The following SPEF2 variants were observed in gnomAD, a reference collection of about 807,000 sequenced individuals.
The protein encoded by SPEF2 is sperm flagellar and cilia associated 2.
Under a neutral mutation model 224.6 loss-of-function variants are expected in SPEF2, and 187 were observed. The ratio of observed to expected loss-of-function variants is 0.83; its 90% CI spans 0.74 to 0.94. The LOEUF (loss-of-function observed/expected upper bound fraction) is 0.94. SPEF2 is among the 40% of genes least tolerant of loss of function. The pLI is 0.00. For synonymous variants in SPEF2, 715 were observed against 707.3 expected, an observed-to-expected ratio of 1.01 and a Z score of -0.17; for missense variants, 2,170 against 2,135.6, an observed-to-expected ratio of 1.02 and a Z score of -0.32.
chr5:35,757,024 TTC>T (rs1449531960), intron 24 of SPEF2, among the ~76,000 whole-genome samples: 2 of 143,926 alleles, frequency 1.4e-5, no homozygotes, highest in African/African-American at 4.9e-5. Context: ...AAATCTAAGA[TTC>T]TGTCTCAATT....
chr5:35,737,421 T>C (rs1179821589), intron 21 of SPEF2, among the ~76,000 whole-genome samples: 1 of 138,596 alleles, frequency 7.2e-6, no homozygotes, highest in Non-Finnish European at 1.5e-5. Context: ...TGTCCAAGTG[T>C]TCTCATTATT....
At chr5:35,773,266 G>C (rs1014455803) in intron 27 of SPEF2, among the ~76,000 whole-genome samples, 1 of 152,114 alleles carries the variant, frequency 6.6e-6, no homozygotes, top group Non-Finnish European at 1.5e-5. Context: ...TGTAGTCCCA[G>C]CTACTAGGGA....
chr5:35,807,115 T>G lies in SPEF2; in HGVS notation c.5257-16T>G, dbSNP rs375323460. On this transcript the variant is annotated splice_polypyrimidine_tract_variant and intron_variant, in intron 35 of 36. Coordinates refer to ENST00000356031, the MANE Select transcript of SPEF2 (RefSeq NM_024867.4). ...ATTGTGAGGTTGATTAACTTCATTT[T>G]TTTTCTTCCTTAAAGGGCTTCATAA... The G allele has an allele frequency of 1.9e-6, 3 of 1,598,050 alleles. No homozygotes were observed. Among genetic ancestry groups the G allele is most frequent in the Non-Finnish European group, 1.7e-6 (2 of 1,176,190 alleles).
At chr5:35,668,278 A>G (rs1561165408) in intron 9 of SPEF2, among the ~76,000 whole-genome samples, 1 of 152,170 alleles carries the variant, frequency 6.6e-6, no homozygotes, top group Non-Finnish European at 1.5e-5. Flanking sequence ...TCAACAGGTA[A>G]TAGAGTGTGA....
chr5:35,694,881 G>A (rs745751233), intron 13 of SPEF2, among the ~76,000 whole-genome samples: 21 of 152,194 alleles, frequency 1.4e-4, no homozygotes, highest in Admixed American at 3.9e-4. Context: ...TCTCCCTTGG[G>A]ATCTGGGCTG....
chr5:35,757,151 T>C lies in SPEF2; in HGVS notation c.3469-2417T>C, dbSNP rs1309491203. ...ACTAGTTATAATATCATAAAAATAT[T>C]GTTTACTAGTTATCATAAATGTAAC... is the stretch of plus-strand genomic sequence containing the variant. On this transcript the variant is annotated intron_variant, in intron 24 of 36. Coordinates refer to ENST00000356031, the MANE Select transcript of SPEF2 (RefSeq NM_024867.4). Among the ~76,000 whole-genome samples, 3 of 136,682 alleles carry C rather than the reference T, an allele frequency of 2.2e-5. No individual in the cohort carries two copies. The East Asian group carries it at 6.9e-4, about 32-fold the overall frequency. 89.7% of individuals were successfully genotyped at this position (136,682 alleles called of 152,430 possible).
intron 12 of SPEF2, among the ~76,000 whole-genome samples, chr5:35,693,954 G>C (rs1754903418): frequency 6.6e-6 from 1 of 152,174 alleles, no homozygotes; most frequent in African/African-American, 2.4e-5. Context: ...GATTGTTCAA[G>C]ATGGTTTTCC....
chr5:35,797,282 C>CA (rs1756794798), intron 33 of SPEF2, among the ~76,000 whole-genome samples: 1 of 148,670 alleles, frequency 6.7e-6, no homozygotes, highest in African/African-American at 2.5e-5. Context: ...GGAGACTGAG[C>CA]AAAACATGTT....
intron 25 of SPEF2, among the ~76,000 whole-genome samples, chr5:35,760,637 C>A (rs1234226450): frequency 1.3e-5 from 2 of 152,014 alleles, no homozygotes; most frequent in African/African-American, 2.4e-5. Flanking sequence ...TATTTTCAGC[C>A]AAGCAAATCC....
At chr5:35,757,630 C>T (rs1395997488) in intron 24 of SPEF2, among the ~76,000 whole-genome samples, 2 of 152,154 alleles carry the variant, frequency 1.3e-5, no homozygotes, top group Admixed American at 6.5e-5. Flanking sequence ...TTTTTCTCCT[C>T]TGTTTTACCA....
rs146611358 is a variant in SPEF2, at chr5:35,718,192, G to A, written c.2914+5306G>A. On this transcript the variant is annotated intron_variant, in intron 20 of 36. Coordinates refer to ENST00000356031, the MANE Select transcript of SPEF2 (RefSeq NM_024867.4). ...AAAAACTCTACTCTTTTGCTGGCAT[G>A]TCAGGCTTCTGGGTTCCCTTCCCCT... 7.4e-3 allele frequency among the ~76,000 whole-genome samples: 1,122 copies of A among 152,308 alleles called. 9 individuals are homozygous for A. The highest frequency in any genetic ancestry group is 0.025 in the African/African-American group (1,049 of 41,570).
At chr5:35,628,305 C>A (rs1744560823) in intron 1 of SPEF2, among the ~76,000 whole-genome samples, 155 bp from the exon 2 acceptor site, 1 of 151,820 alleles carries the variant, frequency 6.6e-6, no homozygotes, top group Non-Finnish European at 1.5e-5. Context: ...CAACCTTTTC[C>A]TTTGGTTATT....
chr5:35,794,221 A>G (rs1561376150), intron 32 of SPEF2, among the ~76,000 whole-genome samples: 1 of 152,230 alleles, frequency 6.6e-6, no homozygotes, highest in African/African-American at 2.4e-5. Context: ...TTACTTGATT[A>G]ATGTCATTAT....
chr5:35,628,603 T>G, intron 2 of SPEF2, 41 bp downstream of exon 2: 1 of 1,424,554 alleles, frequency 7.0e-7, no homozygotes, highest in Non-Finnish European at 9.9e-7. Flanking sequence ...TGTTGTTTAT[T>G]TGTTTTGAGA....
intron 12 of SPEF2, among the ~76,000 whole-genome samples, chr5:35,693,232 A>G (rs114959316): frequency 0.023 from 3,517 of 152,256 alleles, 71 homozygotes; most frequent in South Asian, 0.054. Flanking sequence ...TCAGGGACCA[A>G]TGCTGGCCCT....
rs1427117600 is a variant in SPEF2, at chr5:35,691,160, T to C, written c.1648T>C (p.Ser550Pro). ...AEKSLPPRAE[S>P]TTPELPSFAV... Reference sequence around the variant, plus strand: ...AAAATCTCTTCCTCCTCGAGCGGAATCAACAACACCTGAATTACCTTCATT... The same window carrying C: ...AAAATCTCTTCCTCCTCGAGCGGAACCAACAACACCTGAATTACCTTCATT... The change falls in exon 11 of 37, where the codon TCA (serine) becomes CCA (proline). Residue 550 changes from serine to proline, a missense_variant. Transcript: ENST00000356031. The C allele has an allele frequency of 3.7e-6, 6 of 1,614,108 alleles. No individual in the cohort carries two copies. In the Admixed American group the frequency reaches 6.7e-5, roughly 18 times the overall value.
At chr5:35,753,338 A>G (rs1749965018) in intron 23 of SPEF2, among the ~76,000 whole-genome samples, 1 of 152,198 alleles carries the variant, frequency 6.6e-6, no homozygotes, top group Middle Eastern at 3.4e-3. Flanking sequence ...TTTAGGAAGG[A>G]TTAAAGCACA....
chr5:35,640,909 C>T (rs1188499169), intron 2 of SPEF2, among the ~76,000 whole-genome samples: 1 of 152,134 alleles, frequency 6.6e-6, no homozygotes, highest in Admixed American at 6.6e-5. Context: ...CTGAGCGCCA[C>T]ATCTTTTTGG....
At position 35,618,046 on chromosome 5, in the gene SPEF2, C is replaced by G. The variant is rs779239684; in HGVS notation, c.49C>G (p.Arg17Gly). 8 of 1,584,654 alleles carry G rather than the reference C, an allele frequency of 5.0e-6. No homozygotes were observed. The highest frequency in any genetic ancestry group is 3.5e-5 in the Admixed American group (2 of 57,660). The change falls in exon 1 of 37, where the codon CGG (arginine) becomes GGG (glycine). Residue 17 changes from arginine to glycine, a missense_variant. By Grantham distance (125) the Arg-to-Gly change is moderately radical. Transcript: ENST00000356031. ...GCTCAACAAGGAGTTGAAGGTGTCC[C>G]GGACCGTGAGTGAGTGACCACGGCC... is the stretch of plus-strand genomic sequence containing the variant. ...QWLNKELKVSRTVSPKSFAKA... is the reference protein window; with the variant it reads ...QWLNKELKVSGTVSPKSFAKA...
Sources: allele counts gnomAD v4.1 joint callset (sites outside exome capture counted in the v4.1 genomes callset), GRCh38; gene constraint gnomAD v4.1.1; transcripts MANE v1.5; gene names NCBI Gene and HGNC (gene_info 2026-07-23, HGNC 2026-07-21).